HDAC4: variants seen among roughly 807,000 people sequenced by gnomAD.
HDAC4 encodes histone deacetylase 4.
Under a neutral mutation model 135.1 loss-of-function variants are expected in HDAC4, and 16 were observed. The observed-to-expected ratio is 0.12, with a 90% CI of 0.08 to 0.18. HDAC4 has a LOEUF of 0.18. Ranked by LOEUF, HDAC4 falls within the 10% of genes least tolerant of loss-of-function variation. The pLI is 1.00. For synonymous variants in HDAC4, 685 were observed against 653.4 expected, an observed-to-expected ratio of 1.05 and a Z score of -0.74; for missense variants, 1,143 against 1,511.8, an observed-to-expected ratio of 0.76 and a Z score of 4.05.
rs142308489 is a variant in HDAC4 at position 239,084,458 on chromosome 2, TGC to T, written c.2445-218_2445-217del. Reference sequence around the variant, plus strand: ...CCACATGCAGACACACTCACACGCGTGCGCGCGCACACACACACACACACACA... The same window carrying T: ...CCACATGCAGACACACTCACACGCGTGCGCGCACACACACACACACACACA... On this transcript the variant is annotated intron_variant, in intron 19 of 26. Transcript: ENST00000543185. 0.28 allele frequency among the ~76,000 whole-genome samples: 39,044 copies of T among 140,030 alleles called. 5,239 individuals carry two copies. Among genetic ancestry groups the T allele is most frequent in the East Asian group, 0.37 (1,752 of 4,686 alleles). 91.9% of individuals were successfully genotyped at this position (140,030 alleles called of 152,430 possible).
At chr2:239,233,451 A>G (rs914069884) in intron 3 of HDAC4, among the ~76,000 whole-genome samples, 3 of 148,912 alleles carry the variant, frequency 2.0e-5, no homozygotes, top group East Asian at 3.9e-4. Context: ...CAAATATTCC[A>G]AAATCCGAAA....
chr2:239,071,624 C>A (rs2152628383), intron 22 of HDAC4, among the ~76,000 whole-genome samples: 1 of 152,226 alleles, frequency 6.6e-6, no homozygotes, highest in African/African-American at 2.4e-5. Flanking sequence ...ACTGGGCCAC[C>A]TCTGGCTCTC....
chr2:239,071,870 A>G (rs2034238394), intron 22 of HDAC4, among the ~76,000 whole-genome samples: 1 of 152,176 alleles, frequency 6.6e-6, no homozygotes, highest in African/African-American at 2.4e-5. Context: ...TGAGACGCCC[A>G]TGGTGTCAAC....
intron 22 of HDAC4, among the ~76,000 whole-genome samples, chr2:239,069,435 G>T (rs1350200725): frequency 7.1e-4 from 46 of 64,714 alleles, no homozygotes; most frequent in East Asian, 2.5e-3. Flanking sequence ...CAAGCCCCAC[G>T]ACACTTGCTT....
At chr2:239,111,767 T>A in intron 13 of HDAC4, 55 bp from the exon 14 acceptor site, 4 of 1,477,960 alleles carry the variant, frequency 2.7e-6, no homozygotes, top group Non-Finnish European at 3.7e-6. Flanking sequence ...GCCCCTGGGC[T>A]GCAGGGCTAG....
intron 2 of HDAC4, chr2:239,298,130 TA>T (rs1559341757): frequency 8.9e-7 from 1 of 1,122,126 alleles, no homozygotes; most frequent in South Asian, 1.3e-5. Context: ...GACTAAAACA[TA>T]AACAAGAAAT....
intron 3 of HDAC4, among the ~76,000 whole-genome samples, chr2:239,191,318 C>T (rs995572459): frequency 2.6e-5 from 4 of 152,260 alleles, no homozygotes; most frequent in African/African-American, 7.2e-5. Context: ...CACCCACGTT[C>T]ACCCTGACAC....
intron 1 of HDAC4, among the ~76,000 whole-genome samples, chr2:239,395,134 G>C (rs1479355405): frequency 6.6e-6 from 1 of 152,222 alleles, no homozygotes; most frequent in Non-Finnish European, 1.5e-5. Context: ...CGAGGTCAAA[G>C]GGGACTTAGA....
chr2:239,178,537 T>C (rs1002029610), intron 4 of HDAC4, among the ~76,000 whole-genome samples: 5 of 152,106 alleles, frequency 3.3e-5, no homozygotes, highest in Admixed American at 1.3e-4. Flanking sequence ...TGCACACCAC[T>C]GCACCCAGAT....
chr2:239,220,562 C>A (rs1021085563), intron 3 of HDAC4, among the ~76,000 whole-genome samples: 1 of 152,064 alleles, frequency 6.6e-6, no homozygotes, highest in African/African-American at 2.4e-5. Flanking sequence ...GAAGATGGTG[C>A]CAGAAGACTC....
chr2:239,205,327 C>T (rs957181146), intron 3 of HDAC4, among the ~76,000 whole-genome samples: 1 of 152,060 alleles, frequency 6.6e-6, no homozygotes, highest in Non-Finnish European at 1.5e-5. Flanking sequence ...AACAGCAGAC[C>T]GCTGAGACAG....
rs1177996408 is a variant in HDAC4 at position 239,307,515 on chromosome 2, G to A, written c.22+45163C>T. On this transcript the variant is annotated intron_variant, in intron 2 of 26. Coordinates refer to ENST00000543185, the MANE Select transcript of HDAC4 (RefSeq NM_001378414.1). The surrounding 1 kb of genome is among the most constrained non-coding windows in gnomAD (Gnocchi z 4.8). ...CTGCCAGAGATACGAGGGCCCAGTG[G>A]TCACTAAGGCCCATCTCTGCAGCTC... 6.6e-6 allele frequency among the ~76,000 whole-genome samples: 1 copy of A among 152,144 alleles called. No homozygotes were observed. The highest frequency in any genetic ancestry group is 1.5e-5 in the Non-Finnish European group (1 of 68,024).
Position 239,115,459 on chromosome 2 carries a change from C to A in HDAC4, c.1534-149G>T. On this transcript the variant is annotated intron_variant, in intron 12 of 26. Transcript: ENST00000543185. This position sits in a 1 kb window ranked among gnomAD's most constrained non-coding sequence, Gnocchi z 6.3. ...CACCCTGCCACAGGCCAGCAGGCAC[C>A]TTTATCTCCCAACAGGCACTGGGGT... 1 of 939,762 alleles carries A rather than the reference C, an allele frequency of 1.1e-6. No individual in the cohort carries two copies. The highest frequency in any genetic ancestry group is 1.6e-6 in the Non-Finnish European group (1 of 630,096). 58.2% of individuals were successfully genotyped at this position (939,762 alleles called of 1,614,324 possible). A position where few individuals can be genotyped will look rare whatever the true frequency, so the allele number is the denominator to read the frequency against.
At chr2:239,255,787 A>T (rs2049020514) in intron 2 of HDAC4, among the ~76,000 whole-genome samples, 1 of 152,198 alleles carries the variant, frequency 6.6e-6, no homozygotes, top group African/African-American at 2.4e-5. Flanking sequence ...CAAGAGCATG[A>T]CTGACAGCAA....
chr2:239,383,872 T>C (rs1018551418), intron 1 of HDAC4, among the ~76,000 whole-genome samples: 6 of 150,864 alleles, frequency 4.0e-5, no homozygotes, highest in African/African-American at 1.2e-4. Flanking sequence ...TCCCACAGAG[T>C]CCCCCAGACA....
In HDAC4 at chr2:239,049,398, T is replaced by G. The variant is rs183967576; in HGVS notation, c.*3699A>C. 6.6e-6 allele frequency: 1 copy of G among 152,390 alleles called. No homozygotes were observed. The highest frequency in any genetic ancestry group is 2.4e-5 in the African/African-American group (1 of 41,364). 9.4% of individuals were successfully genotyped at this position (152,390 alleles called of 1,614,324 possible). ...TTTGGCGTGCAAAATCTGTATACAA[T>G]ATAAAGTCATGCCGGTCGTACAGTC... On this transcript the variant is annotated 3_prime_UTR_variant, in exon 27 of 27. Transcript: ENST00000543185.
intron 2 of HDAC4, among the ~76,000 whole-genome samples, chr2:239,298,863 A>ATTTTTTT (rs35449811): frequency 2.2e-4 from 18 of 82,968 alleles, no homozygotes; most frequent in East Asian, 7.1e-4. Context: ...GCCATAGCCT[A>ATTTTTTT]TTTTTTTTTT....
intron 24 of HDAC4, among the ~76,000 whole-genome samples, chr2:239,059,728 C>T (rs909705076): frequency 3.9e-5 from 6 of 152,190 alleles, no homozygotes; most frequent in African/African-American, 1.4e-4. Flanking sequence ...TTATCCTGAT[C>T]CTACCTCCAC....
At chr2:239,175,556 C>G (rs2043710101) in intron 5 of HDAC4, among the ~76,000 whole-genome samples, 1 of 152,176 alleles carries the variant, frequency 6.6e-6, no homozygotes, top group South Asian at 2.1e-4. Flanking sequence ...GAAAACAGAC[C>G]ATGCTGGTCT....
Sources: allele counts gnomAD v4.1 joint callset (sites outside exome capture counted in the v4.1 genomes callset), GRCh38; gene constraint gnomAD v4.1.1; non-coding constraint Gnocchi (gnomAD v3.1); transcripts MANE v1.5; gene names NCBI Gene and HGNC (gene_info 2026-07-23, HGNC 2026-07-21).